The following SPAG17 variants were observed in gnomAD, a reference collection of about 807,000 sequenced individuals.
SPAG17 encodes the protein sperm-associated antigen 17.
In SPAG17, 169 loss-of-function variants were observed where a neutral mutation model predicts 273.6. That is an observed-to-expected ratio of 0.62 (90% confidence interval 0.55 to 0.70). The LOEUF is 0.70. Ranked by LOEUF, SPAG17 falls within the 30% of genes least tolerant of loss-of-function variation. The probability of loss-of-function intolerance (pLI) is 0.00; values close to 1 mark genes in which losing one functional copy is unlikely to be tolerated. For missense variants in SPAG17, 2,557 were observed against 2,627.8 expected, an observed-to-expected ratio of 0.97 and a Z score of 0.59; for synonymous variants, 825 against 873.2, an observed-to-expected ratio of 0.94 and a Z score of 0.97.
At chr1:117,986,249 C>A in intron 40 of SPAG17, among the ~76,000 whole-genome samples, 1 of 152,244 alleles carries the variant, frequency 6.6e-6, no homozygotes, top group East Asian at 1.9e-4. Context: ...CATCGATCTA[C>A]GGCAGTCTGG....
At chr1:118,152,957 C>T (rs1430720934) in intron 1 of SPAG17, among the ~76,000 whole-genome samples, 1 of 152,136 alleles carries the variant, frequency 6.6e-6, no homozygotes, top group East Asian at 1.9e-4. Flanking sequence ...CCTTGAAGTT[C>T]CTGATGACTA....
intron 17 of SPAG17, among the ~76,000 whole-genome samples, chr1:118,070,288 T>C (rs1653450037): frequency 6.6e-6 from 1 of 152,188 alleles, no homozygotes; most frequent in Non-Finnish European, 1.5e-5. Flanking sequence ...ACCCCATTTG[T>C]GTGCAGAAAT....
At chr1:118,105,848 T>C (rs1277737158) in intron 4 of SPAG17, among the ~76,000 whole-genome samples, 2 of 101,216 alleles carry the variant, frequency 2.0e-5, no homozygotes, top group African/African-American at 8.9e-5. Flanking sequence ...ATAAAAAACA[T>C]CAAAAAAGAA....
intron 32 of SPAG17, among the ~76,000 whole-genome samples, chr1:118,000,098 A>G (rs530093784): frequency 1.3e-5 from 2 of 151,810 alleles, no homozygotes; most frequent in Non-Finnish European, 2.9e-5. Flanking sequence ...CCCATTTCTT[A>G]TTTTTGTCAG....
intron 18 of SPAG17, among the ~76,000 whole-genome samples, chr1:118,064,501 C>T (rs926422115): frequency 1.3e-5 from 2 of 149,460 alleles, no homozygotes; most frequent in Non-Finnish European, 3.0e-5. Flanking sequence ...GAACCAAACA[C>T]CGCATGTTCT....
chr1:118,164,278 A>G (rs546671550), intron 1 of SPAG17, among the ~76,000 whole-genome samples: 53 of 152,354 alleles, frequency 3.5e-4, no homozygotes, highest in Admixed American at 1.2e-3. Context: ...ATGTTCTGCC[A>G]TAATCTCACA....
In SPAG17 at chr1:117,963,783, T is replaced by C. The variant is rs1653437504; in HGVS notation, c.*16A>G. 1 of 1,595,592 alleles carries C rather than the reference T, an allele frequency of 6.3e-7. No individual in the cohort carries two copies. Among genetic ancestry groups the C allele is most frequent in the Non-Finnish European group, 8.5e-7 (1 of 1,169,982 alleles). On this transcript the variant is annotated intron_variant, in intron 48 of 48. Transcript: ENST00000336338. Reference sequence around the variant, plus strand: ...GAATGCTTGACAATCAAATTCCCATTTATTACTTACTGTACCTAATGTGGA... The same window carrying C: ...GAATGCTTGACAATCAAATTCCCATCTATTACTTACTGTACCTAATGTGGA...
At chr1:118,041,569 A>G (rs1428261482) in intron 21 of SPAG17, among the ~76,000 whole-genome samples, 1 of 152,084 alleles carries the variant, frequency 6.6e-6, no homozygotes. Context: ...GACCTTAGCT[A>G]GGTTCGTGGC....
intron 1 of SPAG17, among the ~76,000 whole-genome samples, chr1:118,166,501 A>G (rs1040262082): frequency 2.0e-5 from 3 of 152,230 alleles, no homozygotes; most frequent in Non-Finnish European, 2.9e-5. Flanking sequence ...TATACAAGAC[A>G]TGAAATAAAT....
chr1:117,979,352 T>C (rs1655501519), intron 43 of SPAG17, among the ~76,000 whole-genome samples: 1 of 152,196 alleles, frequency 6.6e-6, no homozygotes, highest in African/African-American at 2.4e-5. Flanking sequence ...GAATCATCCT[T>C]GATTCCTCTT....
At chr1:117,977,036 A>C (rs1311237049) in intron 43 of SPAG17, among the ~76,000 whole-genome samples, 2 of 152,102 alleles carry the variant, frequency 1.3e-5, no homozygotes, top group Non-Finnish European at 2.9e-5. Flanking sequence ...CAGGCTGGGC[A>C]CGGTGGCTCA....
Position 118,039,427 on chromosome 1 carries a change from CTTTGATAAAAG to C in SPAG17, c.3173_3183del (p.Thr1058SerfsTer16). On this transcript the variant is annotated frameshift_variant, in exon 23 of 49. Coordinates refer to ENST00000336338, the MANE Select transcript of SPAG17 (RefSeq NM_206996.4). LOFTEE classifies it high-confidence loss of function. ...TTGTGGTTGTCCTTTACCACTCTCACTTTGATAAAAGTTGGGCCTGAGGAGGAACCATAGAA... is the reference window on the plus strand; with the variant it reads ...TTGTGGTTGTCCTTTACCACTCTCACTTGGGCCTGAGGAGGAACCATAGAA... 6.2e-7 allele frequency: 1 copy of C among 1,613,328 alleles called. No homozygotes were observed. Among genetic ancestry groups the C allele is most frequent in the Non-Finnish European group, 8.5e-7 (1 of 1,179,536 alleles).
chr1:118,102,078 T>C, intron 4 of SPAG17, 152 bp from the exon 5 acceptor site: 1 of 706,666 alleles, frequency 1.4e-6, no homozygotes, highest in Non-Finnish European at 2.3e-6. Context: ...TAGTGGAGAT[T>C]CCAGCTTGAG....
intron 15 of SPAG17, among the ~76,000 whole-genome samples, chr1:118,079,342 C>G (rs1654351434): frequency 1.3e-5 from 2 of 151,976 alleles, no homozygotes; most frequent in Admixed American, 6.6e-5. Flanking sequence ...CACATTTAGT[C>G]AAAGTTGTTT....
intron 32 of SPAG17, among the ~76,000 whole-genome samples, chr1:118,000,816 T>C (rs1053755886): frequency 6.6e-6 from 1 of 152,184 alleles, no homozygotes; most frequent in Non-Finnish European, 1.5e-5. Context: ...CCTTTATTTC[T>C]TTCTCTTGCC....
chr1:118,132,536 C>A (rs904259301), intron 3 of SPAG17, among the ~76,000 whole-genome samples: 1 of 152,206 alleles, frequency 6.6e-6, no homozygotes, highest in African/African-American at 2.4e-5. Flanking sequence ...TGGCAAACTT[C>A]AAAATCTTTC....
Position 118,041,896 on chromosome 1 carries a change from T to C in SPAG17, c.2961A>G (p.Ser987=), listed in dbSNP as rs1649803961. 6.2e-7 allele frequency: 1 copy of C among 1,613,860 alleles called. No individual in the cohort carries two copies. Among genetic ancestry groups the C allele is most frequent in the Non-Finnish European group, 8.5e-7 (1 of 1,179,926 alleles). Residue 987 remains serine (S), a synonymous_variant, in exon 21 of 49, where the codon TCA becomes TCG. Coordinates refer to ENST00000336338, the MANE Select transcript of SPAG17 (RefSeq NM_206996.4). ...KEDSRSLKKK[S]PYKEKSKEEQ... is the part of the protein sequence containing the mutation. ...CTTCTTTAGATTTCTCCTTGTAAGG[T>C]GATTTTTTCTTCAAAGACCTACTAT...
rs375524359 is a variant in SPAG17, at chr1:118,081,653, G to T, written c.1763-11C>A. The T allele has an allele frequency of 2.9e-5, 46 of 1,608,822 alleles. No homozygotes were observed. Among genetic ancestry groups the T allele is most frequent in the Non-Finnish European group, 3.7e-5 (43 of 1,175,602 alleles). On this transcript the variant is annotated splice_polypyrimidine_tract_variant and intron_variant, in intron 13 of 48. Coordinates refer to ENST00000336338, the MANE Select transcript of SPAG17 (RefSeq NM_206996.4). ...TCCAGCTCAAGACATCTGTAAGAAAGCAGAACCAGTGCTGCTGGAAATGTT... is the reference window on the plus strand; with the variant it reads ...TCCAGCTCAAGACATCTGTAAGAAATCAGAACCAGTGCTGCTGGAAATGTT...
At chr1:117,979,372 C>T (rs577042270) in intron 43 of SPAG17, among the ~76,000 whole-genome samples, 1 of 152,282 alleles carries the variant, frequency 6.6e-6, no homozygotes, top group South Asian at 2.1e-4. Flanking sequence ...TTTTGTCTCA[C>T]TCCTGCATCC....
Sources: allele counts gnomAD v4.1 joint callset (sites outside exome capture counted in the v4.1 genomes callset), GRCh38; gene constraint gnomAD v4.1.1; transcripts MANE v1.5; gene names NCBI Gene and HGNC (gene_info 2026-07-23, HGNC 2026-07-21).